The following LPAR1 variants were observed in gnomAD, a reference collection of about 807,000 sequenced individuals.
The protein encoded by LPAR1 is lysophosphatidic acid receptor 1, also known as LPA receptor 1.
A neutral mutation model predicts 23.8 loss-of-function variants in LPAR1; 5 were observed. That is an observed-to-expected ratio of 0.21 (90% confidence interval 0.11 to 0.44). The LOEUF is 0.44. Among genes scored for constraint, LPAR1 ranks in the 20% least tolerant of loss-of-function variants. LPAR1 has a pLI of 0.99. For missense variants in LPAR1, 311 were observed against 482.8 expected (o/e 0.64, Z 3.33); for synonymous variants, 160 against 164.7 (o/e 0.97, Z 0.22).
intron 5 of LPAR1, among the ~76,000 whole-genome samples, chr9:110,920,970 A>C (rs897648577): frequency 9.9e-5 from 14 of 141,128 alleles, no homozygotes; most frequent in African/African-American, 3.7e-4. Flanking sequence ...AACAACAACA[A>C]ATTTTTTTTT....
intron 2 of LPAR1, among the ~76,000 whole-genome samples, chr9:110,990,101 G>T (rs1588712643): frequency 1.3e-5 from 2 of 152,092 alleles, no homozygotes; most frequent in East Asian, 3.9e-4. Context: ...ACAGATTTTT[G>T]AAACATACGA....
At chr9:110,902,654 A>T (rs971688642) in intron 5 of LPAR1, among the ~76,000 whole-genome samples, 3 of 151,898 alleles carry the variant, frequency 2.0e-5, no homozygotes, top group Non-Finnish European at 4.4e-5. Flanking sequence ...ACAGGAAAGC[A>T]CTCTCCTTAC....
At chr9:110,917,758 T>TTAA (rs2093306852) in intron 5 of LPAR1, among the ~76,000 whole-genome samples, 1 of 152,220 alleles carries the variant, frequency 6.6e-6, no homozygotes. Flanking sequence ...CGTTATTGTG[T>TTAA]TTTACATCTT....
At chr9:110,990,518 A>T (rs566412445) in intron 2 of LPAR1, among the ~76,000 whole-genome samples, 136 of 152,272 alleles carry the variant, frequency 8.9e-4, no homozygotes, top group Non-Finnish European at 1.4e-3. Flanking sequence ...GGAGGTAATT[A>T]AAAAATCTTT....
intron 2 of LPAR1, among the ~76,000 whole-genome samples, chr9:110,984,397 A>C (rs555032026): frequency 6.6e-6 from 1 of 152,166 alleles, no homozygotes; most frequent in African/African-American, 2.4e-5. Context: ...GTTGTTGCAA[A>C]TGACAAGATC....
chr9:111,010,034 T>G (rs955380441), intron 2 of LPAR1, among the ~76,000 whole-genome samples: 1 of 59,184 alleles, frequency 1.7e-5, no homozygotes, highest in African/African-American at 5.7e-5. Context: ...TATATATATA[T>G]ATATATATAT....
At chr9:110,930,722 C>G (rs918126615) in intron 5 of LPAR1, among the ~76,000 whole-genome samples, 2 of 151,778 alleles carry the variant, frequency 1.3e-5, no homozygotes, top group Non-Finnish European at 2.9e-5. Context: ...TCTAGACCAG[C>G]CTGACCAACA....
intron 2 of LPAR1, among the ~76,000 whole-genome samples, chr9:110,985,961 G>A (rs768938762): frequency 8.0e-5 from 12 of 150,032 alleles, no homozygotes; most frequent in Non-Finnish European, 1.8e-4. Flanking sequence ...AAGACAGAGA[G>A]CAAGAAGAGA....
At chr9:110,977,809 AGGGAGGGAGGGCGGGAGGGAGGGAGGG>A (rs2096584448) in intron 2 of LPAR1, among the ~76,000 whole-genome samples, 2 of 111,186 alleles carry the variant, frequency 1.8e-5, no homozygotes, top group Non-Finnish European at 3.8e-5. Flanking sequence ...GGAAGGAAGG[AGGGAGGGAGGGCGGGAGGGAGGGAGGG>A]AAGGAAGGAG....
chr9:110,935,112 C>G (rs1231417282), intron 5 of LPAR1, among the ~76,000 whole-genome samples: 1 of 152,146 alleles, frequency 6.6e-6, no homozygotes, highest in African/African-American at 2.4e-5. Context: ...GTTACCTTCA[C>G]AGCCACAATG....
intron 4 of LPAR1, among the ~76,000 whole-genome samples, chr9:110,965,293 A>G (rs1304985813): frequency 6.6e-6 from 1 of 152,202 alleles, no homozygotes; most frequent in Non-Finnish European, 1.5e-5. Context: ...AGGGATCAAA[A>G]TATCTTTATG....
At chr9:110,913,771 T>C (rs1355116704) in intron 5 of LPAR1, among the ~76,000 whole-genome samples, 1 of 152,210 alleles carries the variant, frequency 6.6e-6, no homozygotes, top group African/African-American at 2.4e-5. Flanking sequence ...AGATTTCTGC[T>C]TTCCTTCTTA....
chr9:111,005,425 G>T (rs1166130572), intron 2 of LPAR1, among the ~76,000 whole-genome samples: 2 of 151,428 alleles, frequency 1.3e-5, no homozygotes, highest in African/African-American at 2.4e-5. Flanking sequence ...GTGTGACTGT[G>T]TAGTCCCAGC....
intron 4 of LPAR1, 91 bp from the exon 5 acceptor site, chr9:110,942,259 G>A: frequency 8.9e-7 from 1 of 1,126,502 alleles, no homozygotes; most frequent in Non-Finnish European, 1.3e-6. Flanking sequence ...TATAGTACAT[G>A]CAACAGAAAA....
intron 2 of LPAR1, among the ~76,000 whole-genome samples, chr9:111,026,926 T>G (rs2097702256): frequency 6.6e-6 from 1 of 152,240 alleles, no homozygotes; most frequent in Admixed American, 6.5e-5. Context: ...GGATTCAGTT[T>G]GCCAGTATTT....
chr9:111,013,032 G>A (rs2097364503), intron 2 of LPAR1, among the ~76,000 whole-genome samples: 3 of 152,108 alleles, frequency 2.0e-5, no homozygotes, highest in South Asian at 2.1e-4. Context: ...AAGCAAACTC[G>A]TCATGAAAAT....
chr9:111,026,152 A>T (rs2097687761), intron 2 of LPAR1, among the ~76,000 whole-genome samples: 1 of 152,150 alleles, frequency 6.6e-6, no homozygotes, highest in East Asian at 1.9e-4. Flanking sequence ...GATTCTTCCT[A>T]TCCATAACAT....
intron 5 of LPAR1, among the ~76,000 whole-genome samples, chr9:110,891,896 T>C (rs755445501): frequency 3.9e-5 from 6 of 152,228 alleles, no homozygotes; most frequent in Non-Finnish European, 7.3e-5. Flanking sequence ...CTAGCAAATG[T>C]TGACTTGGAT....
chr9:110,976,336 CAAAA>C (rs11356512), intron 2 of LPAR1, among the ~76,000 whole-genome samples: 1 of 126,756 alleles, frequency 7.9e-6, no homozygotes, highest in Admixed American at 7.9e-5. Context: ...ACTAAAAATA[CAAAA>C]AAAAAAAAAA....
Sources: allele counts gnomAD v4.1 joint callset (sites outside exome capture counted in the v4.1 genomes callset), GRCh38; gene constraint gnomAD v4.1.1; transcripts MANE v1.5; gene names NCBI Gene and HGNC (gene_info 2026-07-23, HGNC 2026-07-21).